The following CFHR4 variants were observed in gnomAD, a reference collection of about 807,000 sequenced individuals.
The protein encoded by CFHR4 is complement factor H-related protein 4.
A neutral mutation model predicts 69.3 loss-of-function variants in CFHR4; 64 were observed. That is an observed-to-expected ratio of 0.92 (90% CI 0.76 to 1.14). The LOEUF (loss-of-function observed/expected upper bound fraction) is 1.14, where lower values mean the gene tolerates loss of function less well. Among genes scored for constraint, CFHR4 ranks in the 50% most tolerant of loss-of-function variants. The pLI is 0.00. For synonymous variants in CFHR4, 244 were observed against 237.0 expected, an observed-to-expected ratio of 1.03 and a Z score of -0.27; for missense variants, 636 against 684.9, an observed-to-expected ratio of 0.93 and a Z score of 0.80.
chr1:196,911,757 G>A (rs1279229104), intron 6 of CFHR4, among the ~76,000 whole-genome samples: 1 of 151,456 alleles, frequency 6.6e-6, no homozygotes, highest in Non-Finnish European at 1.5e-5. Context: ...CCTGCCATAG[G>A]CACCAACTCT....
At chr1:196,901,632 A>T (rs572642753) in intron 1 of CFHR4, among the ~76,000 whole-genome samples, 1 of 151,334 alleles carries the variant, frequency 6.6e-6, no homozygotes, top group African/African-American at 2.4e-5. Flanking sequence ...GAATCATCCC[A>T]TGGAAATGGA....
At chr1:196,888,372 G>GA (rs1012101250) in intron 1 of CFHR4, among the ~76,000 whole-genome samples, 164 bp downstream of exon 1, 10 of 149,992 alleles carry the variant, frequency 6.7e-5, no homozygotes, top group Admixed American at 5.3e-4. Context: ...TTAATTTTAT[G>GA]AAAAAATATC....
At chr1:196,910,255 A>G (rs749214375) in intron 5 of CFHR4, 26 bp from the exon 6 acceptor site, 1 of 1,385,980 alleles carries the variant, frequency 7.2e-7, no homozygotes, top group Non-Finnish European at 1.0e-6. Flanking sequence ...AACATTATTT[A>G]TACTATTTTT....
chr1:196,891,818 T>C (rs975287813), intron 1 of CFHR4, among the ~76,000 whole-genome samples: 2 of 151,208 alleles, frequency 1.3e-5, no homozygotes, highest in Non-Finnish European at 2.9e-5. Context: ...AATATACATA[T>C]AGAATGTATG....
chr1:196,899,954 A>G (rs1657507761), intron 1 of CFHR4, among the ~76,000 whole-genome samples: 1 of 151,648 alleles, frequency 6.6e-6, no homozygotes, highest in African/African-American at 2.4e-5. Flanking sequence ...GGAGAAATGC[A>G]GTATAAATTC....
Position 196,912,725 on chromosome 1 carries a change from C to G in CFHR4, c.998-15C>G. ...CAACAAATATTTACTTTTTTCTCTA[C>G]TTTTTCTATTTTAGGAACATGCTCA... On this transcript the variant is annotated splice_polypyrimidine_tract_variant and intron_variant, in intron 6 of 9. Transcript: ENST00000608469. The G allele has an allele frequency of 6.4e-7, 1 of 1,563,412 alleles. No individual in the cohort carries two copies.
At chr1:196,895,107 C>A (rs1657224036) in intron 1 of CFHR4, among the ~76,000 whole-genome samples, 1 of 151,122 alleles carries the variant, frequency 6.6e-6, no homozygotes, top group African/African-American at 2.4e-5. Context: ...GTAGAGCATG[C>A]CTGTAGTCCT....
chr1:196,888,482 C>A (rs1326730825), intron 1 of CFHR4, among the ~76,000 whole-genome samples: 1 of 151,000 alleles, frequency 6.6e-6, no homozygotes, highest in Non-Finnish European at 1.5e-5. Flanking sequence ...TGAATATACT[C>A]ATAAAACTTT....
Position 196,907,726 on chromosome 1 carries a change from AT to A in CFHR4, c.799+231del, listed in dbSNP as rs575267501. On this transcript the variant is annotated intron_variant, in intron 5 of 9. Transcript: ENST00000608469. ...AAAACAGGAATGTTCAGAGACCTCA[AT>A]TTGTTAATGGACACAATGAGTCTTC... Among the ~76,000 whole-genome samples, 3 of 151,622 alleles carry A rather than the reference AT, an allele frequency of 2.0e-5. No homozygotes were observed. In the South Asian group the frequency reaches 6.2e-4, roughly 31 times the overall value.
At chr1:196,904,319 CT>C (rs2124952859) in intron 2 of CFHR4, among the ~76,000 whole-genome samples, 1 of 151,636 alleles carries the variant, frequency 6.6e-6, no homozygotes, top group Non-Finnish European at 1.5e-5. Context: ...ATGACAAATG[CT>C]TTATTATAAA....
chr1:196,912,875 C>T lies in CFHR4; in HGVS notation c.1133C>T (p.Ser378Leu), dbSNP rs1313105736. The stretch of plus-strand genomic sequence containing the variant: ...ACAGCAGATGGAAATTCTTCAGGTT[C>T]AATTACATGTTTGCAAAATGGATGG... ...YATADGNSSGSITCLQNGWSA... is the reference protein window; with the variant it reads ...YATADGNSSGLITCLQNGWSA... The change falls in exon 7 of 10, where the codon TCA (serine) becomes TTA (leucine). Residue 378 changes from serine to leucine, a missense_variant. Around this residue, in one of 3 missense-constraint regions of CFHR4, gnomAD observed 529 missense variants for 533.2 expected, o/e 0.99. Transcript: ENST00000608469. 2 of 1,611,502 alleles carry T rather than the reference C, an allele frequency of 1.2e-6. No individual in the cohort carries two copies. Among genetic ancestry groups the T allele is most frequent in the East Asian group, 4.5e-5 (2 of 44,702 alleles).
chr1:196,893,479 T>C (rs1023701773), intron 1 of CFHR4, among the ~76,000 whole-genome samples: 40 of 151,698 alleles, frequency 2.6e-4, no homozygotes, highest in African/African-American at 9.5e-4. Context: ...GATTCAAAAT[T>C]ACACATACAA....
chr1:196,902,492 C>A lies in CFHR4; in HGVS notation c.133C>A (p.Pro45Thr). 6.2e-7 allele frequency: 1 copy of A among 1,611,628 alleles called. No individual in the cohort carries two copies. The highest frequency in any genetic ancestry group is 8.5e-7 in the Non-Finnish European group (1 of 1,178,594). ...YYKSLRRLYF[P>T]AAAGQSYSYY... ...TAAGAGTTTGCGTAGACTATACTTT[C>A]CAGCAGCTGCAGGACAATCTTATTC... Residue 45 changes from proline to threonine, a missense_variant, in exon 2 of 10, where the codon CCA (proline) becomes ACA (threonine). By Grantham distance (38) the Pro-to-Thr change is conservative (BLOSUM62 -1). This residue lies in a region of CFHR4 where 529 missense variants were observed against 533.2 expected (regional missense o/e 0.99). Transcript: ENST00000608469.
intron 1 of CFHR4, among the ~76,000 whole-genome samples, chr1:196,899,049 C>T (rs1207342608): frequency 6.6e-6 from 1 of 151,648 alleles, no homozygotes; most frequent in Non-Finnish European, 1.5e-5. Flanking sequence ...CAGCACACAA[C>T]AAGTGGAGGA....
At chr1:196,893,224 T>TA (rs1190562377) in intron 1 of CFHR4, among the ~76,000 whole-genome samples, 4 of 151,696 alleles carry the variant, frequency 2.6e-5, no homozygotes, top group Admixed American at 6.6e-5. Flanking sequence ...TGCAAAAAGA[T>TA]AGAGTTATAG....
chr1:196,902,393 A>C (rs1174948200), intron 1 of CFHR4, 25 bp from the exon 2 acceptor site: 8 of 1,445,690 alleles, frequency 5.5e-6, no homozygotes, highest in Non-Finnish European at 7.7e-6. Flanking sequence ...CATTATTTAT[A>C]CTGTTTTTTG....
rs1338915373 is a variant in CFHR4, at chr1:196,915,461, C to A, written c.1540+323C>A. Among the ~76,000 whole-genome samples the A allele has an allele frequency of 2.0e-5, 3 of 150,148 alleles. 1 individual carries two copies. The highest frequency in any genetic ancestry group is 4.2e-4 in the South Asian group (2 of 4,806). The stretch of plus-strand genomic sequence containing the variant: ...GATCAGCCTGACCAACATGGTGAAC[C>A]CTGTCTCTACAAAAAATACAAAAAT... On this transcript the variant is annotated intron_variant, in intron 9 of 9. Transcript: ENST00000608469.
At position 196,897,686 on chromosome 1, in the gene CFHR4, T is replaced by C. The variant is rs150655215; in HGVS notation, c.59-4732T>C. 1.6e-3 allele frequency among the ~76,000 whole-genome samples: 249 copies of C among 151,502 alleles called. 6 individuals are homozygous for C. The highest frequency in any genetic ancestry group is 5.9e-3 in the African/African-American group (242 of 41,112). On this transcript the variant is annotated intron_variant, in intron 1 of 9. Transcript: ENST00000608469. ...CTCATTTCCCTCGGCATCCAGACAT[T>C]CCTGCTCTTCTCTCTTTCTCTGCTG...
At chr1:196,890,336 C>T (rs977306044) in intron 1 of CFHR4, among the ~76,000 whole-genome samples, 7 of 151,480 alleles carry the variant, frequency 4.6e-5, no homozygotes, top group Non-Finnish European at 8.8e-5. Context: ...GTTGCCTATG[C>T]TAAGAAACTT....
Sources: gnomAD v4.1 joint callset for allele counts (sites outside exome capture counted in the v4.1 genomes callset) on GRCh38, gnomAD v4.1.1 for gene constraint, gnomAD v4.1.1 regional missense constraint, MANE v1.5 for transcripts, NCBI Gene and HGNC (gene_info 2026-07-23, HGNC 2026-07-21) for gene names.